The following NFIB variants were observed in gnomAD, a reference collection of about 807,000 sequenced individuals.
NFIB encodes the protein nuclear factor 1 B-type.
A neutral mutation model predicts 61.5 loss-of-function variants in NFIB; 11 were observed. The observed-to-expected ratio is 0.18, with a 90% CI of 0.11 to 0.30. The LOEUF (loss-of-function observed/expected upper bound fraction) is 0.30, where lower values mean the gene tolerates loss of function less well. NFIB is among the 10% of genes least tolerant of loss of function. The pLI is 1.00. For synonymous variants in NFIB, 260 were observed against 216.5 expected, an observed-to-expected ratio of 1.20 and a Z score of -1.76; for missense variants, 471 against 608.9, an observed-to-expected ratio of 0.77 and a Z score of 2.38.
the NFIB span, among the ~76,000 whole-genome samples, chr9:14,493,178 C>T: frequency 2.0e-5 from 3 of 152,150 alleles, no homozygotes; most frequent in Admixed American, 6.5e-5. Context: ...CTCCCAGGAC[C>T]CACATTCGTT....
the NFIB span, among the ~76,000 whole-genome samples, chr9:14,452,298 CATG>C: frequency 0.016 from 2,391 of 151,262 alleles, 53 homozygotes; most frequent in African/African-American, 0.055. Context: ...TCATTGTATC[CATG>C]ATATTTTTTA....
At chr9:14,327,343 A>G (rs1330609585) in intron 1 of NFIB, among the ~76,000 whole-genome samples, 1 of 152,232 alleles carries the variant, frequency 6.6e-6, no homozygotes, top group African/African-American at 2.4e-5. Context: ...GCATATCTAG[A>G]ACATGTTGAT....
At chr9:14,504,817 G>A in the NFIB span, among the ~76,000 whole-genome samples, 2 of 152,190 alleles carry the variant, frequency 1.3e-5, no homozygotes, top group African/African-American at 2.4e-5. Flanking sequence ...TTTGGATGCC[G>A]TTGGTTTCTT....
At chr9:14,506,405 G>C in the NFIB span, among the ~76,000 whole-genome samples, 1 of 152,206 alleles carries the variant, frequency 6.6e-6, no homozygotes, top group East Asian at 1.9e-4. Context: ...GGAACCCCTT[G>C]TCTCTAGAAG....
At chr9:14,347,696 CTG>C (rs1054448329) in intron 1 of NFIB, among the ~76,000 whole-genome samples, 3 of 152,122 alleles carry the variant, frequency 2.0e-5, no homozygotes, top group Non-Finnish European at 4.4e-5. Context: ...GGTCGGGTGA[CTG>C]TGCGGAGTGT....
chr9:14,232,311 A>C (rs962610745), intron 2 of NFIB, among the ~76,000 whole-genome samples: 5 of 152,136 alleles, frequency 3.3e-5, no homozygotes, highest in African/African-American at 1.2e-4. Flanking sequence ...CTGCTTAGGG[A>C]TTACGACCCC....
chr9:14,377,877 A>G (rs889631397), intron 1 of NFIB, among the ~76,000 whole-genome samples: 4 of 152,200 alleles, frequency 2.6e-5, no homozygotes, highest in African/African-American at 9.7e-5. Flanking sequence ...AATTTCCCTA[A>G]GACAATCCCC....
At chr9:14,479,774 C>A in the NFIB span, among the ~76,000 whole-genome samples, 1 of 152,152 alleles carries the variant, frequency 6.6e-6, no homozygotes, top group African/African-American at 2.4e-5. Flanking sequence ...AATTGGGTTT[C>A]AAATGTAAGG....
the NFIB span, among the ~76,000 whole-genome samples, chr9:14,481,197 G>GTGTATATATGTATATATATATATA: frequency 2.2e-5 from 1 of 45,844 alleles, no homozygotes; most frequent in South Asian, 9.9e-4. Flanking sequence ...GTGTGTGTGT[G>GTGTATATATGTATATATATATATA]TATATATATA....
intron 2 of NFIB, among the ~76,000 whole-genome samples, chr9:14,257,256 T>C (rs565173167): frequency 6.6e-6 from 1 of 152,300 alleles, no homozygotes; most frequent in South Asian, 2.1e-4. Context: ...AGTATAGTCC[T>C]AGAACATGGT....
At chr9:14,470,671 T>C in the NFIB span, among the ~76,000 whole-genome samples, 324 of 152,264 alleles carry the variant, frequency 2.1e-3, 1 homozygote, top group African/African-American at 6.3e-3. Context: ...GATTAGCATC[T>C]TGTAGTATAA....
chr9:14,143,991 AGT>A (rs141101627), intron 6 of NFIB, among the ~76,000 whole-genome samples: 7,758 of 134,136 alleles, frequency 0.058, 272 homozygotes, highest in East Asian at 0.17. Context: ...AAAGTGACAG[AGT>A]GTGTGTGTGT....
chr9:14,475,283 G>T, the NFIB span, among the ~76,000 whole-genome samples: 54 of 152,186 alleles, frequency 3.5e-4, no homozygotes, highest in Non-Finnish European at 6.2e-4. Flanking sequence ...TGCACCTGGG[G>T]AGCATGGCTC....
chr9:14,300,258 C>A (rs901981410), intron 2 of NFIB: 2 of 398,318 alleles, frequency 5.0e-6, no homozygotes, highest in Non-Finnish European at 8.9e-6. Flanking sequence ...CTGGGGCATG[C>A]AGCCGTAATA....
intron 2 of NFIB, among the ~76,000 whole-genome samples, chr9:14,296,410 T>C (rs567033255): frequency 6.6e-6 from 1 of 152,226 alleles, no homozygotes; most frequent in Non-Finnish European, 1.5e-5. Context: ...GAACCCCAAA[T>C]GTCAAATTCT....
At chr9:14,463,659 C>CTTTTTTTTTTTT in the NFIB span, among the ~76,000 whole-genome samples, 1 of 65,824 alleles carries the variant, frequency 1.5e-5, no homozygotes, top group Non-Finnish European at 3.0e-5. Context: ...ATTTGATTTT[C>CTTTTTTTTTTTT]TTTTTTTTTT....
the NFIB span, among the ~76,000 whole-genome samples, chr9:14,458,908 G>C: frequency 1.3e-4 from 20 of 152,010 alleles, no homozygotes; most frequent in Middle Eastern, 3.4e-3. Flanking sequence ...CTCATGGATA[G>C]GAAGAATCAA....
intron 1 of NFIB, among the ~76,000 whole-genome samples, chr9:14,352,271 T>G (rs2061122014): frequency 6.7e-6 from 1 of 149,864 alleles, no homozygotes; most frequent in East Asian, 1.9e-4. Flanking sequence ...CATTTTTTTT[T>G]GGTGATGTAT....
At chr9:14,292,533 C>T (rs1458065374) in intron 2 of NFIB, among the ~76,000 whole-genome samples, 1 of 152,266 alleles carries the variant, frequency 6.6e-6, no homozygotes, top group Non-Finnish European at 1.5e-5. Context: ...CCAAGATAAC[C>T]AGAAACCAAA....
Sources: gnomAD v4.1 joint callset for allele counts (sites outside exome capture counted in the v4.1 genomes callset) on GRCh38, gnomAD v4.1.1 for gene constraint, MANE v1.5 for transcripts, NCBI Gene and HGNC (gene_info 2026-07-23, HGNC 2026-07-21) for gene names.